Variants in COL5A1 observed in about 807,000 individuals in gnomAD.
COL5A1 encodes collagen alpha-1(V) chain.
COL5A1 carries 16 observed loss-of-function variants against 263.7 expected under a neutral mutation model. The observed-to-expected ratio is 0.06, with a 90% confidence interval of 0.04 to 0.09. COL5A1 has a LOEUF of 0.09. COL5A1 is among the 10% of genes least tolerant of loss of function. The probability of loss-of-function intolerance (pLI) is 1.00; values close to 1 mark genes in which losing one functional copy is unlikely to be tolerated. For missense variants in COL5A1, 2,036 were observed against 2,540.5 expected (o/e 0.80, Z 4.27); for synonymous variants, 1,012 against 1,004.5 (o/e 1.01, Z -0.14).
Position 134,765,839 on chromosome 9 carries a change from C to A in COL5A1, c.2088+105C>A. 1 of 935,558 alleles carries A rather than the reference C, an allele frequency of 1.1e-6. No homozygotes were observed. Among genetic ancestry groups the A allele is most frequent in the Non-Finnish European group, 1.6e-6 (1 of 606,856 alleles). The allele number at this position is 935,558 out of a possible 1,614,324, so 58.0% of individuals were successfully genotyped here. On this transcript the variant is annotated intron_variant, in intron 21 of 65. Coordinates refer to ENST00000371817, the MANE Select transcript of COL5A1 (RefSeq NM_000093.5). This position sits in a 1 kb window ranked among gnomAD's most constrained non-coding sequence, Gnocchi z 5.1. ...CACTGGGGCAGCAAGTCCGTGCTGGCCCCTCTGGCGCCTGCCTGCTGCCAG... is the reference window on the plus strand; with the variant it reads ...CACTGGGGCAGCAAGTCCGTGCTGGACCCTCTGGCGCCTGCCTGCTGCCAG...
chr9:134,798,961 A>G (rs1455083657), intron 37 of COL5A1, among the ~76,000 whole-genome samples: 1 of 152,158 alleles, frequency 6.6e-6, no homozygotes, highest in African/African-American at 2.4e-5. Context: ...CCATGCACCA[A>G]CCCCACCCAC....
intron 27 of COL5A1, among the ~76,000 whole-genome samples, chr9:134,778,479 T>G (rs1042806656): frequency 6.6e-6 from 1 of 152,218 alleles, no homozygotes; most frequent in Non-Finnish European, 1.5e-5. Context: ...GAGGTCCATG[T>G]CCCATCTCAG....
chr9:134,834,715 G>A (rs1191943778), intron 64 of COL5A1, among the ~76,000 whole-genome samples: 2 of 152,318 alleles, frequency 1.3e-5, no homozygotes, highest in Non-Finnish European at 1.5e-5. Flanking sequence ...AGCCCTGAAG[G>A]ATAAGCATAA....
At chr9:134,657,566 T>C (rs1337710274) in intron 1 of COL5A1, among the ~76,000 whole-genome samples, 1 of 50,150 alleles carries the variant, frequency 2.0e-5, no homozygotes, top group Non-Finnish European at 3.6e-5. Flanking sequence ...GGGGGTGGTG[T>C]AGGGGGTGTA....
At chr9:134,690,804 A>T in intron 1 of COL5A1, 108 bp from the exon 2 acceptor site, 1 of 1,362,560 alleles carries the variant, frequency 7.3e-7, no homozygotes, top group Non-Finnish European at 1.0e-6. Context: ...AGTGCCCAGG[A>T]TTCACAGTGG....
intron 11 of COL5A1, among the ~76,000 whole-genome samples, chr9:134,748,959 C>T (rs1477784129): frequency 6.6e-6 from 1 of 152,242 alleles, no homozygotes; most frequent in East Asian, 1.9e-4. Context: ...AAGAAAGAGA[C>T]TGGGCGCGGT....
At chr9:134,691,623 G>C (rs1323289305) in intron 2 of COL5A1, 1 of 162,540 alleles carries the variant, frequency 6.2e-6, no homozygotes, top group Non-Finnish European at 1.4e-5. Context: ...TTAGCTCTAA[G>C]ATACAGCATC....
chr9:134,756,121 G>A (rs1835963809), intron 16 of COL5A1, among the ~76,000 whole-genome samples: 1 of 152,138 alleles, frequency 6.6e-6, no homozygotes, highest in Admixed American at 6.5e-5. Flanking sequence ...TGCACAGTGG[G>A]CCCCGGAAGG....
At chr9:134,706,664 C>G (rs1833847238) in intron 4 of COL5A1, among the ~76,000 whole-genome samples, 2 of 152,214 alleles carry the variant, frequency 1.3e-5, no homozygotes, top group South Asian at 4.1e-4. Flanking sequence ...CAACTGTCCC[C>G]AGCCTGGAAG....
rs766527693 is a variant in COL5A1, at chr9:134,766,483, G to T, written c.2118G>T (p.Gly706=). 21 of 1,614,036 alleles carry T rather than the reference G, an allele frequency of 1.3e-5. No homozygotes were observed. The East Asian group carries it at 4.2e-4, about 33-fold the overall frequency. Residue 706 remains glycine (G), a synonymous_variant, in exon 22 of 66, where the codon GGG becomes GGT. Transcript: ENST00000371817. ...PGVTGMDGQP[G]PKGNVGPQGE... ...TCACGGGTATGGACGGCCAGCCGGG[G>T]CCAAAAGGAAATGTGGTAAGTCCCT...
chr9:134,662,908 C>T (rs189762719), intron 1 of COL5A1, among the ~76,000 whole-genome samples: 149 of 152,356 alleles, frequency 9.8e-4, no homozygotes, highest in African/African-American at 3.2e-3. Context: ...TCATCTGCCT[C>T]GTTAGCAGAG....
chr9:134,725,501 AG>A (rs758126573), intron 4 of COL5A1, among the ~76,000 whole-genome samples: 5 of 152,218 alleles, frequency 3.3e-5, no homozygotes, highest in Admixed American at 2.6e-4. Context: ...GGGTGCTGCC[AG>A]GGTGACTCCT....
intron 31 of COL5A1, among the ~76,000 whole-genome samples, chr9:134,788,090 G>A (rs1485692934): frequency 6.6e-6 from 1 of 152,048 alleles, no homozygotes; most frequent in African/African-American, 2.4e-5. Flanking sequence ...GGTGGGAAGA[G>A]AGGTGGATGA....
rs1335332330 is a variant in COL5A1, at chr9:134,841,655, G to A, written c.5371-502G>A. On this transcript the variant is annotated intron_variant, in intron 65 of 65. Transcript: ENST00000371817. The surrounding 1 kb of genome is among the most constrained non-coding windows in gnomAD (Gnocchi z 4.8). ...CTAAGGCAGTGTGTGGCAGGTGGTC[G>A]TAGGGGGGTCTTACTTGGCTCAAGG... Among the ~76,000 whole-genome samples the A allele has an allele frequency of 3.3e-5, 5 of 152,142 alleles. No homozygotes were observed. The highest frequency in any genetic ancestry group is 7.2e-5 in the African/African-American group (3 of 41,426).
intron 2 of COL5A1, among the ~76,000 whole-genome samples, chr9:134,694,985 C>T (rs891844505): frequency 3.3e-5 from 5 of 152,146 alleles, no homozygotes; most frequent in Non-Finnish European, 7.4e-5. Flanking sequence ...TTTGTAATGA[C>T]CCAGATCTGA....
chr9:134,715,220 T>C (rs1564406767), intron 4 of COL5A1, among the ~76,000 whole-genome samples: 1 of 152,008 alleles, frequency 6.6e-6, no homozygotes, highest in Non-Finnish European at 1.5e-5. Flanking sequence ...TATCATAAGT[T>C]TAGAAAAGGT....
At chr9:134,759,965 GC>G (rs1836245568) in intron 18 of COL5A1, among the ~76,000 whole-genome samples, 1 of 44,734 alleles carries the variant, frequency 2.2e-5, no homozygotes, top group African/African-American at 9.8e-5. Flanking sequence ...CCACACTCAT[GC>G]ACACATGCAC....
intron 4 of COL5A1, among the ~76,000 whole-genome samples, chr9:134,712,165 ATCTTCTTCCTTTCC>A (rs1834077032): frequency 4.4e-4 from 3 of 6,810 alleles, no homozygotes; most frequent in Admixed American, 2.2e-3. Context: ...CTTCCTGCCC[ATCTTCTTCCTTTCC>A]CCCCTCCTTC....
rs1174334882 is a variant in COL5A1, at chr9:134,681,594, G to T, written c.110-9318G>T. Among the ~76,000 whole-genome samples the T allele has an allele frequency of 6.6e-6, 1 of 152,172 alleles. No individual in the cohort carries two copies. Among genetic ancestry groups the T allele is most frequent in the Non-Finnish European group, 1.5e-5 (1 of 68,030 alleles). ...GGCTCCAGAGTGGAATAGCGCTTGGGACTGGGGTGGACTGGGCACTGAGGG... is the reference window on the plus strand; with the variant it reads ...GGCTCCAGAGTGGAATAGCGCTTGGTACTGGGGTGGACTGGGCACTGAGGG... On this transcript the variant is annotated intron_variant, in intron 1 of 65. Transcript: ENST00000371817. This position sits in a 1 kb window ranked among gnomAD's most constrained non-coding sequence, Gnocchi z 4.3.
Sources: gnomAD v4.1 joint callset for allele counts (sites outside exome capture counted in the v4.1 genomes callset) on GRCh38, gnomAD v4.1.1 for gene constraint, Gnocchi (gnomAD v3.1) non-coding constraint, MANE v1.5 for transcripts, NCBI Gene and HGNC (gene_info 2026-07-23, HGNC 2026-07-21) for gene names.